The following ADAM22 variants were observed in gnomAD, a reference collection of about 807,000 sequenced individuals.
ADAM22 encodes the protein disintegrin and metalloproteinase domain-containing protein 22.
A neutral mutation model predicts 144.6 loss-of-function variants in ADAM22; 65 were observed. The ratio of observed to expected loss-of-function variants is 0.45; its 90% CI spans 0.37 to 0.55. The LOEUF (loss-of-function observed/expected upper bound fraction) is 0.55, where lower values mean the gene tolerates loss of function less well. Ranked by LOEUF, ADAM22 falls within the 20% of genes least tolerant of loss-of-function variation. ADAM22 has a pLI of 0.00. For missense variants in ADAM22, 974 were observed against 1,184.9 expected, an observed-to-expected ratio of 0.82 and a Z score of 2.61; for synonymous variants, 391 against 412.6, an observed-to-expected ratio of 0.95 and a Z score of 0.63.
At chr7:88,116,404 G>T (rs1198856901) in intron 6 of ADAM22, among the ~76,000 whole-genome samples, 1 of 152,144 alleles carries the variant, frequency 6.6e-6, no homozygotes, top group African/African-American at 2.4e-5. Flanking sequence ...ACTTTTAAAA[G>T]GGTGCAGGGA....
At chr7:88,165,554 T>C (rs535085852) in intron 23 of ADAM22, among the ~76,000 whole-genome samples, 2 of 152,084 alleles carry the variant, frequency 1.3e-5, no homozygotes, top group African/African-American at 4.8e-5. Flanking sequence ...TTTAAGTTAG[T>C]GAAAGTCAAA....
Position 88,196,462 on chromosome 7 carries a change from G to C in ADAM22, c.2875-9G>C. The C allele has an allele frequency of 6.2e-7, 1 of 1,614,042 alleles. No homozygotes were observed. Among genetic ancestry groups the C allele is most frequent in the Non-Finnish European group, 8.5e-7 (1 of 1,180,010 alleles). On this transcript the variant is annotated splice_polypyrimidine_tract_variant and intron_variant, in intron 31 of 31. Transcript: ENST00000413139. ...ACAATGTGCAATTTTGCTCTTTTCT[G>C]TTGTGCAGCTATGGGAGACATCCAT...
At chr7:88,078,437 T>C (rs758155187) in intron 4 of ADAM22, among the ~76,000 whole-genome samples, 4 of 152,214 alleles carry the variant, frequency 2.6e-5, no homozygotes, top group Non-Finnish European at 4.4e-5. Flanking sequence ...AAAATCAGAG[T>C]GCCTCTCTTC....
At chr7:87,990,064 A>T (rs1001348013) in intron 3 of ADAM22, among the ~76,000 whole-genome samples, 1 of 152,154 alleles carries the variant, frequency 6.6e-6, no homozygotes, top group African/African-American at 2.4e-5. Context: ...TCATTTATTC[A>T]TTCACTCATC....
intron 3 of ADAM22, among the ~76,000 whole-genome samples, chr7:88,024,939 T>G (rs1798674097): frequency 6.6e-6 from 1 of 152,160 alleles, no homozygotes. Context: ...ATTTCCTTAA[T>G]CCAGTCTATC....
intron 26 of ADAM22, among the ~76,000 whole-genome samples, chr7:88,176,188 T>A (rs1158969287): frequency 1.3e-5 from 2 of 152,192 alleles, no homozygotes; most frequent in Non-Finnish European, 2.9e-5. Context: ...TTGGTCAGGC[T>A]GGTCTCGAAT....
At chr7:87,940,904 C>T (rs1258911004) in intron 2 of ADAM22, among the ~76,000 whole-genome samples, 2 of 152,160 alleles carry the variant, frequency 1.3e-5, no homozygotes, top group African/African-American at 4.8e-5. Context: ...ATATCACCTA[C>T]TGAGTCTTAT....
At chr7:88,128,023 C>A (rs990494193) in intron 8 of ADAM22, among the ~76,000 whole-genome samples, 9 of 151,930 alleles carry the variant, frequency 5.9e-5, no homozygotes. Flanking sequence ...CTAACAAAGA[C>A]CCCATGTCAT....
intron 3 of ADAM22, among the ~76,000 whole-genome samples, chr7:88,020,372 G>A (rs1202632252): frequency 6.6e-6 from 1 of 152,168 alleles, no homozygotes; most frequent in Admixed American, 6.5e-5. Context: ...TTTGCCTGTG[G>A]TTTGTTGAGA....
intron 3 of ADAM22, among the ~76,000 whole-genome samples, chr7:88,020,250 C>A (rs1375979388): frequency 7.2e-5 from 11 of 152,156 alleles, no homozygotes; most frequent in Admixed American, 3.3e-4. Flanking sequence ...CAATGACAAA[C>A]TCATTAGTAT....
intron 3 of ADAM22, among the ~76,000 whole-genome samples, chr7:87,979,818 T>C (rs1852864879): frequency 6.6e-6 from 1 of 152,126 alleles, no homozygotes; most frequent in Admixed American, 6.6e-5. Context: ...AGATAAATGT[T>C]TGAGACTAGC....
intron 2 of ADAM22, among the ~76,000 whole-genome samples, chr7:87,939,162 G>A (rs1229185978): frequency 6.6e-6 from 1 of 152,188 alleles, no homozygotes; most frequent in East Asian, 1.9e-4. Flanking sequence ...TAACCCAGGT[G>A]AGCAGTCAGG....
chr7:88,023,878 T>C (rs1234699047), intron 3 of ADAM22, among the ~76,000 whole-genome samples: 1 of 151,266 alleles, frequency 6.6e-6, no homozygotes, highest in East Asian at 2.0e-4. Context: ...ATTATTCTGC[T>C]CTCTATCTCT....
At chr7:88,128,210 TA>T (rs750280818) in intron 8 of ADAM22, among the ~76,000 whole-genome samples, 48 of 152,196 alleles carry the variant, frequency 3.2e-4, no homozygotes, top group Admixed American at 2.6e-4. Flanking sequence ...GATAGACTGT[TA>T]AATGAAAATC....
In ADAM22 at chr7:88,145,140, G is replaced by C; in HGVS notation, c.1336G>C (p.Glu446Gln). The change falls in exon 16 of 32, where the codon GAG becomes CAG. Residue 446 changes from glutamate (E) to glutamine (Q), a missense_variant. By Grantham distance (29) the Glu-to-Gln change is conservative. Transcript: ENST00000413139. The stretch of plus-strand genomic sequence containing the variant: ...TTCCTCACAGCTTCTTGATCCTCCT[G>C]AGTGTGGCAATGGCTTCATTGAAAC... ...NKPSKLLDPP[E>Q]CGNGFIETGE... 2 of 1,613,742 alleles carry C rather than the reference G, an allele frequency of 1.2e-6. No individual in the cohort carries two copies. The highest frequency in any genetic ancestry group is 1.7e-6 in the Non-Finnish European group (2 of 1,179,860).
chr7:88,036,921 A>G lies in ADAM22; in HGVS notation c.324-38705A>G, dbSNP rs1801650679. On this transcript the variant is annotated intron_variant, in intron 3 of 31. Transcript: ENST00000413139. ...TGAGAATATATATATATTTTATGTC[A>G]TGTCATTGTGATCATACTTAGGTAG... Among the ~76,000 whole-genome samples, 5 of 151,964 alleles carry G rather than the reference A, an allele frequency of 3.3e-5. No homozygotes were observed. The South Asian group carries it at 1.0e-3, about 32-fold the overall frequency.
chr7:87,936,609 A>G (rs1050782590), intron 2 of ADAM22, among the ~76,000 whole-genome samples: 3 of 151,974 alleles, frequency 2.0e-5, no homozygotes, highest in African/African-American at 7.2e-5. Flanking sequence ...TTCTTTTTCT[A>G]TTTCCTTTCC....
intron 2 of ADAM22, among the ~76,000 whole-genome samples, chr7:87,973,014 A>G (rs901602807): frequency 7.2e-5 from 11 of 152,226 alleles, no homozygotes; most frequent in African/African-American, 2.7e-4. Context: ...AGGCAATACC[A>G]TTCAGGACAT....
intron 2 of ADAM22, among the ~76,000 whole-genome samples, chr7:87,958,604 T>G (rs1439451598): frequency 6.6e-6 from 1 of 152,094 alleles, no homozygotes; most frequent in East Asian, 1.9e-4. Context: ...CAGGATGGTC[T>G]CAATCTCTTG....
Sources: allele counts gnomAD v4.1 joint callset (sites outside exome capture counted in the v4.1 genomes callset), GRCh38; gene constraint gnomAD v4.1.1; transcripts MANE v1.5; gene names NCBI Gene and HGNC (gene_info 2026-07-23, HGNC 2026-07-21).